Variants in GALNTL6 observed in about 807,000 individuals in gnomAD.
GALNTL6 encodes polypeptide N-acetylgalactosaminyltransferase-like 6.
A neutral mutation model predicts 73.7 loss-of-function variants in GALNTL6; 46 were observed. The ratio of observed to expected loss-of-function variants is 0.62; its 90% CI spans 0.49 to 0.80. The LOEUF is 0.80. Ranked by LOEUF, GALNTL6 falls within the 30% of genes least tolerant of loss-of-function variation. The pLI, the probability that GALNTL6 is intolerant of heterozygous loss-of-function variation, is 0.00. For synonymous variants in GALNTL6, 259 were observed against 263.7 expected, an observed-to-expected ratio of 0.98 and a Z score of 0.17; for missense variants, 604 against 755.0, an observed-to-expected ratio of 0.80 and a Z score of 2.34.
chr4:172,703,198 C>G (rs969941041), intron 5 of GALNTL6, among the ~76,000 whole-genome samples: 4 of 151,832 alleles, frequency 2.6e-5, no homozygotes, highest in African/African-American at 9.7e-5. Flanking sequence ...CTTTCTTTTG[C>G]CTAATTGCTC....
chr4:171,940,918 TATCTC>T (rs1430417189), intron 2 of GALNTL6, among the ~76,000 whole-genome samples: 5 of 151,594 alleles, frequency 3.3e-5, no homozygotes, highest in Non-Finnish European at 7.4e-5. Context: ...ATAAGAATGT[TATCTC>T]ATATAATACA....
At chr4:172,474,122 C>A (rs776330191) in intron 5 of GALNTL6, among the ~76,000 whole-genome samples, 1 of 152,140 alleles carries the variant, frequency 6.6e-6, no homozygotes, top group African/African-American at 2.4e-5. Flanking sequence ...ATACTCCCAA[C>A]GCAGAGCAGC....
At chr4:172,403,156 C>A (rs796594568) in intron 5 of GALNTL6, among the ~76,000 whole-genome samples, 6 of 152,140 alleles carry the variant, frequency 3.9e-5, no homozygotes, top group African/African-American at 1.4e-4. Context: ...CACCTCAGAG[C>A]CAGCACAGCC....
At chr4:172,403,014 G>A (rs998497655) in intron 5 of GALNTL6, among the ~76,000 whole-genome samples, 2 of 151,884 alleles carry the variant, frequency 1.3e-5, no homozygotes, top group African/African-American at 2.4e-5. Context: ...TGATTAGTCC[G>A]TATCTTCACA....
intron 5 of GALNTL6, among the ~76,000 whole-genome samples, chr4:172,766,642 A>T (rs554318720): frequency 1.3e-4 from 20 of 152,336 alleles, no homozygotes; most frequent in African/African-American, 4.8e-4. Flanking sequence ...CCAAAGCAGG[A>T]AAACCTTCAC....
intron 2 of GALNTL6, among the ~76,000 whole-genome samples, chr4:171,944,128 TA>T (rs1260182385): frequency 6.6e-6 from 1 of 151,748 alleles, no homozygotes; most frequent in Non-Finnish European, 1.5e-5. Flanking sequence ...CTTTTCATTA[TA>T]AAAAAAAGCA....
At chr4:172,362,131 C>T (rs564782670) in intron 5 of GALNTL6, among the ~76,000 whole-genome samples, 2 of 152,152 alleles carry the variant, frequency 1.3e-5, no homozygotes, top group African/African-American at 2.4e-5. Context: ...CTACTGCTTA[C>T]GAATATGTGC....
intron 5 of GALNTL6, among the ~76,000 whole-genome samples, chr4:172,479,845 A>T (rs1007388687): frequency 1.3e-5 from 2 of 152,180 alleles, no homozygotes; most frequent in Admixed American, 1.3e-4. Context: ...GTAACACAGG[A>T]TTTTCTTATA....
chr4:172,619,245 C>G (rs1738860867), intron 5 of GALNTL6, among the ~76,000 whole-genome samples: 2 of 152,152 alleles, frequency 1.3e-5, no homozygotes, highest in African/African-American at 4.8e-5. Context: ...CCTTCATCCT[C>G]TAGCCTTGAT....
chr4:172,233,193 A>T (rs533603149), intron 3 of GALNTL6, among the ~76,000 whole-genome samples: 149 of 134,502 alleles, frequency 1.1e-3, no homozygotes, highest in Admixed American at 1.7e-3. Context: ...ACATAGCGAG[A>T]CCTCATCTCT....
Position 172,695,234 on chromosome 4 carries a change from G to A in GALNTL6, c.554-114127G>A, listed in dbSNP as rs1290035660. ...AACACTGAACAACAACAAAAAAGAT[G>A]TAATGATTTACTCTTGCTAAAAACA... On this transcript the variant is annotated intron_variant, in intron 5 of 12. Transcript: ENST00000506823. 2.6e-5 allele frequency among the ~76,000 whole-genome samples: 4 copies of A among 152,208 alleles called. No individual in the cohort carries two copies. The South Asian group carries it at 6.2e-4, about 24-fold the overall frequency.
intron 2 of GALNTL6, among the ~76,000 whole-genome samples, chr4:171,858,974 T>G (rs1282214253): frequency 1.3e-5 from 2 of 152,202 alleles, no homozygotes; most frequent in Non-Finnish European, 2.9e-5. Context: ...AAATGATATT[T>G]TGTTTATAAT....
intron 8 of GALNTL6, among the ~76,000 whole-genome samples, chr4:172,915,064 G>A (rs1747430532): frequency 6.6e-6 from 1 of 152,220 alleles, no homozygotes; most frequent in African/African-American, 2.4e-5. Context: ...AGACCACAGT[G>A]CAATCAAGTT....
At chr4:172,952,368 A>C (rs1175541740) in intron 10 of GALNTL6, 110 bp downstream of exon 10, 6 of 679,100 alleles carry the variant, frequency 8.8e-6, no homozygotes, top group Non-Finnish European at 1.3e-5. Flanking sequence ...CCCTGCAGCC[A>C]AGTAGCATTC....
chr4:172,025,091 A>G (rs979540437), intron 2 of GALNTL6, among the ~76,000 whole-genome samples: 1 of 151,994 alleles, frequency 6.6e-6, no homozygotes, highest in African/African-American at 2.4e-5. Flanking sequence ...ATCAGACACT[A>G]ATAGACTCTC....
chr4:172,538,235 C>A (rs553179727), intron 5 of GALNTL6, among the ~76,000 whole-genome samples: 1 of 152,024 alleles, frequency 6.6e-6, no homozygotes, highest in East Asian at 1.9e-4. Flanking sequence ...CTGAGGTGGG[C>A]AGATCATGAG....
At chr4:171,909,451 C>A (rs1374807052) in intron 2 of GALNTL6, among the ~76,000 whole-genome samples, 2 of 152,130 alleles carry the variant, frequency 1.3e-5, no homozygotes, top group Non-Finnish European at 2.9e-5. Flanking sequence ...CATCTTACTT[C>A]TATTTTCATG....
intron 2 of GALNTL6, among the ~76,000 whole-genome samples, chr4:171,953,417 A>T (rs972914884): frequency 3.9e-5 from 6 of 152,296 alleles, no homozygotes; most frequent in African/African-American, 1.4e-4. Flanking sequence ...TCAGCTAAGA[A>T]ACAGAACCCC....
chr4:172,013,217 T>C (rs897390417), intron 2 of GALNTL6, among the ~76,000 whole-genome samples: 5 of 152,066 alleles, frequency 3.3e-5, no homozygotes, highest in African/African-American at 9.7e-5. Context: ...TTTAAATATA[T>C]ACAATAAATT....
Sources: allele counts gnomAD v4.1 joint callset (sites outside exome capture counted in the v4.1 genomes callset), GRCh38; gene constraint gnomAD v4.1.1; transcripts MANE v1.5; gene names NCBI Gene and HGNC (gene_info 2026-07-23, HGNC 2026-07-21).